The following DAPK2 variants were observed in gnomAD, a reference collection of about 807,000 sequenced individuals.
DAPK2 encodes the protein death associated protein kinase 2, also known as death-associated protein kinase 2.
A neutral mutation model predicts 44.1 loss-of-function variants in DAPK2; 35 were observed. The observed-to-expected ratio is 0.79, with a 90% CI of 0.61 to 1.05. The LOEUF is 1.05. DAPK2 is among the 50% of genes least tolerant of loss of function. The probability of loss-of-function intolerance (pLI) is 0.00; values close to 1 mark genes in which losing one functional copy is unlikely to be tolerated. For synonymous variants in DAPK2, 174 were observed against 182.6 expected, an observed-to-expected ratio of 0.95 and a Z score of 0.38; for missense variants, 453 against 483.2, an observed-to-expected ratio of 0.94 and a Z score of 0.59.
chr15:64,045,585 G>A (rs2080443848), intron 1 of DAPK2, among the ~76,000 whole-genome samples: 1 of 152,158 alleles, frequency 6.6e-6, no homozygotes, highest in East Asian at 1.9e-4. Flanking sequence ...CGGCCTCAAC[G>A]AGGCTCACCT....
intron 1 of DAPK2, among the ~76,000 whole-genome samples, chr15:63,984,323 G>A (rs939372980): frequency 5.3e-5 from 8 of 152,226 alleles, no homozygotes; most frequent in Admixed American, 4.6e-4. Context: ...CTCAAAGTCA[G>A]ATACCCAACC....
At chr15:64,026,299 A>G (rs2079845209) in intron 1 of DAPK2, among the ~76,000 whole-genome samples, 1 of 152,008 alleles carries the variant, frequency 6.6e-6, no homozygotes, top group African/African-American at 2.4e-5. Flanking sequence ...GCTGGAGTGC[A>G]GTGGCATGAA....
intron 3 of DAPK2, among the ~76,000 whole-genome samples, chr15:63,963,563 T>G (rs2077971813): frequency 6.6e-6 from 1 of 152,238 alleles, no homozygotes; most frequent in Non-Finnish European, 1.5e-5. Flanking sequence ...TACTGATAAG[T>G]AAGGACTTAC....
chr15:64,030,739 G>A (rs996542057), intron 1 of DAPK2, among the ~76,000 whole-genome samples: 3 of 152,122 alleles, frequency 2.0e-5, no homozygotes, highest in Admixed American at 6.5e-5. Context: ...AGGCTGAGGC[G>A]AAAAGAGCGC....
intron 1 of DAPK2, among the ~76,000 whole-genome samples, chr15:64,014,827 G>C (rs2079479371): frequency 6.6e-6 from 1 of 151,984 alleles, no homozygotes; most frequent in Non-Finnish European, 1.5e-5. Context: ...GGCTGAGACA[G>C]GAGAATCACT....
rs530277335 is a variant in DAPK2 at position 64,001,738 on chromosome 15, C to A, written c.93-17984G>T. ...GTCAGAAAAGTGGAATCTTAGATTT[C>A]ATCTCAGCACTACTGAATCAGAATG... On this transcript the variant is annotated intron_variant, in intron 1 of 10. Transcript: ENST00000261891. 2.6e-5 allele frequency among the ~76,000 whole-genome samples: 4 copies of A among 152,320 alleles called. No individual in the cohort carries two copies. In the South Asian group the frequency reaches 6.2e-4, roughly 24 times the overall value.
At chr15:64,023,838 G>A (rs1213477456) in intron 1 of DAPK2, among the ~76,000 whole-genome samples, 2 of 152,184 alleles carry the variant, frequency 1.3e-5, no homozygotes, top group African/African-American at 4.8e-5. Flanking sequence ...GCTCAAAGCC[G>A]TTACCATCTG....
chr15:64,044,820 A>G (rs1053350933), upstream of DAPK2, among the ~76,000 whole-genome samples: 3 of 152,186 alleles, frequency 2.0e-5, no homozygotes, highest in African/African-American at 7.2e-5. Context: ...GTGAAACGGG[A>G]CCACAGCAAG....
intron 8 of DAPK2, chr15:63,920,093 T>C (rs768837812): frequency 2.0e-5 from 3 of 152,138 alleles, no homozygotes; most frequent in Non-Finnish European, 2.9e-5. Flanking sequence ...TCAGGAGGCA[T>C]CTCCCAGATG....
At chr15:63,963,808 T>C (rs1217134274) in intron 3 of DAPK2, among the ~76,000 whole-genome samples, 2 of 152,226 alleles carry the variant, frequency 1.3e-5, no homozygotes, top group African/African-American at 2.4e-5. Flanking sequence ...GCTGATTGCA[T>C]GAACAAGCTA....
chr15:63,924,957 T>C, intron 7 of DAPK2, 96 bp from the exon 9 acceptor site: 4 of 1,390,758 alleles, frequency 2.9e-6, no homozygotes, highest in Non-Finnish European at 4.0e-6. Context: ...TATTTTGGCA[T>C]TATTTGGCCA....
At chr15:63,937,637 C>G (rs1270861996) in intron 4 of DAPK2, among the ~76,000 whole-genome samples, 1 of 152,184 alleles carries the variant, frequency 6.6e-6, no homozygotes, top group Non-Finnish European at 1.5e-5. Flanking sequence ...CTCACTCACT[C>G]AAGGCCATGA....
At chr15:64,043,531 T>C (rs1395338671), upstream of DAPK2, among the ~76,000 whole-genome samples, 1 of 152,226 alleles carries the variant, frequency 6.6e-6, no homozygotes, top group African/African-American at 2.4e-5. Context: ...TACTGTGTGA[T>C]CCCATTTAGG....
intron 1 of DAPK2, among the ~76,000 whole-genome samples, chr15:63,989,898 G>A (rs2078771343): frequency 6.6e-6 from 1 of 152,122 alleles, no homozygotes; most frequent in Non-Finnish European, 1.5e-5. Flanking sequence ...CACCATGTTG[G>A]CCAGGCTGGT....
chr15:63,976,025 C>A (rs1375345737), intron 2 of DAPK2, among the ~76,000 whole-genome samples: 1 of 152,206 alleles, frequency 6.6e-6, no homozygotes, highest in South Asian at 2.1e-4. Flanking sequence ...CAGAAGCACA[C>A]CTGGACCCAC....
intron 1 of DAPK2, among the ~76,000 whole-genome samples, chr15:64,021,294 A>C (rs2079675141): frequency 6.6e-6 from 1 of 152,144 alleles, no homozygotes; most frequent in Non-Finnish European, 1.5e-5. Context: ...CATGAAAGGG[A>C]GCGCGAGTGA....
At chr15:64,002,916 CTG>C (rs3056849) in intron 1 of DAPK2, among the ~76,000 whole-genome samples, 11,545 of 85,848 alleles carry the variant, frequency 0.13, 871 homozygotes, top group Admixed American at 0.17. Flanking sequence ...GACTGAGACA[CTG>C]TGTGTGTGTG....
chr15:63,957,862 G>A (rs2077770937), intron 3 of DAPK2, among the ~76,000 whole-genome samples: 1 of 152,070 alleles, frequency 6.6e-6, no homozygotes, highest in Non-Finnish European at 1.5e-5. Context: ...AATCCTTTGG[G>A]TATATGCCCA....
intron 1 of DAPK2, among the ~76,000 whole-genome samples, chr15:63,983,998 G>A (rs2078604539): frequency 6.6e-6 from 1 of 152,208 alleles, no homozygotes; most frequent in Non-Finnish European, 1.5e-5. Context: ...AGTGTACAGA[G>A]GTGAGCACTG....
Sources: gnomAD v4.1 joint callset for allele counts (sites outside exome capture counted in the v4.1 genomes callset) on GRCh38, gnomAD v4.1.1 for gene constraint, MANE v1.5 for transcripts, NCBI Gene and HGNC (gene_info 2026-07-23, HGNC 2026-07-21) for gene names.